R3HDM2: variants seen among roughly 807,000 people sequenced by gnomAD.
The protein encoded by R3HDM2 is R3H domain-containing protein 2.
Under a neutral mutation model 124.5 loss-of-function variants are expected in R3HDM2, and 38 were observed. The observed-to-expected ratio is 0.31, with a 90% confidence interval of 0.24 to 0.40. The LOEUF (loss-of-function observed/expected upper bound fraction) is 0.40. Among genes scored for constraint, R3HDM2 ranks in the 10% least tolerant of loss-of-function variants. R3HDM2 has a pLI of 1.00. For missense variants in R3HDM2, 869 were observed against 1,236.9 expected (o/e 0.70, Z 4.46); for synonymous variants, 391 against 448.0 (o/e 0.87, Z 1.61).
chr12:57,383,657 G>A (rs140213567), intron 2 of R3HDM2, among the ~76,000 whole-genome samples: 1,542 of 152,168 alleles, frequency 0.01, 18 homozygotes, highest in African/African-American at 0.036. Flanking sequence ...GCGGTGAGCC[G>A]AGATCATGCA....
At chr12:57,316,484 C>T (rs1041512759) in intron 2 of R3HDM2, among the ~76,000 whole-genome samples, 57 of 151,828 alleles carry the variant, frequency 3.8e-4, no homozygotes, top group Non-Finnish European at 7.6e-4. Flanking sequence ...GTATCTTCTA[C>T]CAAAGGTGAT....
chr12:57,289,349 C>T (rs917695866), intron 11 of R3HDM2, among the ~76,000 whole-genome samples: 6 of 152,156 alleles, frequency 3.9e-5, no homozygotes, highest in Admixed American at 1.3e-4. Context: ...TCCTTTTTAG[C>T]TCTGAATTTA....
intron 2 of R3HDM2, among the ~76,000 whole-genome samples, chr12:57,382,069 A>T (rs779274578): frequency 6.7e-6 from 1 of 150,120 alleles, no homozygotes; most frequent in Non-Finnish European, 1.5e-5. Flanking sequence ...GATCCTCCCA[A>T]CTCAACCTCC....
chr12:57,261,756 G>C (rs538034771), intron 19 of R3HDM2, among the ~76,000 whole-genome samples: 39 of 48,930 alleles, frequency 8.0e-4, no homozygotes, highest in Non-Finnish European at 1.4e-3. Context: ...AATAGACGTG[G>C]CAAAAAAAAA....
chr12:57,381,866 G>A (rs1393454192), intron 2 of R3HDM2, among the ~76,000 whole-genome samples: 1 of 152,058 alleles, frequency 6.6e-6, no homozygotes, highest in East Asian at 1.9e-4. Flanking sequence ...GGCCCAGGCT[G>A]GAGTGTAGTG....
chr12:57,350,251 CTAAT>C (rs893349333), intron 2 of R3HDM2, among the ~76,000 whole-genome samples: 4 of 151,864 alleles, frequency 2.6e-5, no homozygotes, highest in African/African-American at 9.7e-5. Context: ...ATACATTAAA[CTAAT>C]AAATAAAATA....
intron 11 of R3HDM2, among the ~76,000 whole-genome samples, chr12:57,291,479 C>T (rs935388383): frequency 6.6e-6 from 1 of 151,450 alleles, no homozygotes; most frequent in African/African-American, 2.4e-5. Flanking sequence ...CATAGTGAGA[C>T]CCCATCTCTA....
chr12:57,264,620 ATTT>A (rs549188071), intron 19 of R3HDM2, among the ~76,000 whole-genome samples: 13 of 137,392 alleles, frequency 9.5e-5, no homozygotes, highest in Non-Finnish European at 8.0e-5. Context: ...TTCCTTCCAG[ATTT>A]TTTTTTTTTT....
chr12:57,379,448 C>T (rs1207983982), intron 2 of R3HDM2, among the ~76,000 whole-genome samples: 5 of 152,118 alleles, frequency 3.3e-5, no homozygotes, highest in South Asian at 2.1e-4. Flanking sequence ...GGCGTGGTGA[C>T]GCATGCCTGT....
At chr12:57,416,006 A>C (rs2069553393) in intron 1 of R3HDM2, among the ~76,000 whole-genome samples, 1 of 152,226 alleles carries the variant, frequency 6.6e-6, no homozygotes, top group Non-Finnish European at 1.5e-5. Context: ...GAAGAAATTT[A>C]AATATGGACT....
chr12:57,288,716 A>G (rs2047951389), intron 12 of R3HDM2: 2 of 709,406 alleles, frequency 2.8e-6, no homozygotes, highest in Non-Finnish European at 4.6e-6. Flanking sequence ...ATGGGGAAAA[A>G]TATCCAATGT....
chr12:57,330,491 G>A (rs4760357), intron 2 of R3HDM2, among the ~76,000 whole-genome samples: 5 of 149,204 alleles, frequency 3.4e-5, no homozygotes, highest in East Asian at 4.0e-4. Flanking sequence ...TTACAGGCAC[G>A]CACCACCACG....
intron 4 of R3HDM2, among the ~76,000 whole-genome samples, chr12:57,302,243 T>G (rs1386162855): frequency 6.0e-5 from 9 of 151,214 alleles, no homozygotes; most frequent in Admixed American, 5.9e-4. Context: ...ATCACACCAC[T>G]GCACTCCGGC....
chr12:57,321,605 C>T (rs774308027), intron 2 of R3HDM2, among the ~76,000 whole-genome samples: 1 of 152,030 alleles, frequency 6.6e-6, no homozygotes, highest in African/African-American at 2.4e-5. Flanking sequence ...GAGCCAAGAA[C>T]GGGCCATTGC....
intron 2 of R3HDM2, among the ~76,000 whole-genome samples, chr12:57,378,550 T>C (rs947480571): frequency 2.0e-5 from 3 of 152,250 alleles, no homozygotes; most frequent in South Asian, 2.1e-4. Context: ...GCTAATTTTT[T>C]GTGTATTTTG....
intron 2 of R3HDM2, among the ~76,000 whole-genome samples, chr12:57,371,031 A>G (rs2063295235): frequency 1.4e-5 from 2 of 147,574 alleles, no homozygotes; most frequent in African/African-American, 5.0e-5. Flanking sequence ...GGTTCAAAAT[A>G]TAAAAATATT....
chr12:57,386,564 C>T (rs1260101309), intron 2 of R3HDM2, among the ~76,000 whole-genome samples: 1 of 152,202 alleles, frequency 6.6e-6, no homozygotes, highest in Non-Finnish European at 1.5e-5. Flanking sequence ...CTTCTGTGGG[C>T]TCCTGCGCAG....
chr12:57,418,335 G>C (rs988023408), intron 1 of R3HDM2: 1 of 985,232 alleles, frequency 1.0e-6, no homozygotes, highest in Non-Finnish European at 1.2e-6. Flanking sequence ...AGTTAACGGG[G>C]CAAGGCCTCC....
At chr12:57,385,343 G>A (rs1037913706) in intron 2 of R3HDM2, among the ~76,000 whole-genome samples, 15 of 147,916 alleles carry the variant, frequency 1.0e-4, no homozygotes, top group Non-Finnish European at 1.9e-4. Context: ...CTGGGTTCAC[G>A]CCATTCTCCT....
Sources: gnomAD v4.1 joint callset for allele counts (sites outside exome capture counted in the v4.1 genomes callset) on GRCh38, gnomAD v4.1.1 for gene constraint, MANE v1.5 for transcripts, NCBI Gene and HGNC (gene_info 2026-07-23, HGNC 2026-07-21) for gene names.